The following FUT8 variants were observed in gnomAD, a reference collection of about 807,000 sequenced individuals.
FUT8 encodes the protein alpha-(1,6)-fucosyltransferase.
Under a neutral mutation model 71.3 loss-of-function variants are expected in FUT8, and 29 were observed. The ratio of observed to expected loss-of-function variants is 0.41; its 90% confidence interval spans 0.30 to 0.55. The LOEUF (loss-of-function observed/expected upper bound fraction) is 0.55. Among genes scored for constraint, FUT8 ranks in the 20% least tolerant of loss-of-function variants. FUT8 has a pLI of 0.34. For missense variants in FUT8, 544 were observed against 702.1 expected, an observed-to-expected ratio of 0.77 and a Z score of 2.55; for synonymous variants, 254 against 239.3, an observed-to-expected ratio of 1.06 and a Z score of -0.57.
chr14:65,461,622 T>C (rs2065970288), intron 2 of FUT8, among the ~76,000 whole-genome samples: 1 of 152,242 alleles, frequency 6.6e-6, no homozygotes, highest in Non-Finnish European at 1.5e-5. Flanking sequence ...ACCTTAGTTC[T>C]GCTCTGTTAA....
chr14:65,722,211 A>C (rs967822345), intron 8 of FUT8, among the ~76,000 whole-genome samples, 190 bp downstream of exon 8: 1 of 152,172 alleles, frequency 6.6e-6, no homozygotes, highest in African/African-American at 2.4e-5. Context: ...AACAGCTAAG[A>C]AAGTTGCTTA....
At chr14:65,649,657 C>T (rs140126227) in intron 6 of FUT8, among the ~76,000 whole-genome samples, 1 of 152,156 alleles carries the variant, frequency 6.6e-6, no homozygotes, top group Admixed American at 6.5e-5. Context: ...CTACACACTA[C>T]AGAGGCTTTG....
intron 6 of FUT8, among the ~76,000 whole-genome samples, chr14:65,666,828 G>T (rs1025827468): frequency 2.0e-5 from 3 of 152,042 alleles, no homozygotes; most frequent in Non-Finnish European, 4.4e-5. Context: ...AATTCACCGC[G>T]ATCAAATAGG....
chr14:65,387,879 A>T, the FUT8 span, among the ~76,000 whole-genome samples: 1 of 152,214 alleles, frequency 6.6e-6, no homozygotes, highest in Non-Finnish European at 1.5e-5. Context: ...TCATGACCAC[A>T]AGTAGAAGTC....
At chr14:65,561,095 C>T (rs183504221) in intron 2 of FUT8, among the ~76,000 whole-genome samples, 10 of 152,226 alleles carry the variant, frequency 6.6e-5, no homozygotes, top group Admixed American at 2.6e-4. Context: ...GATGATGGCA[C>T]TTTGAGGACT....
At chr14:65,442,518 AATACATAC>A (rs142250322) in intron 1 of FUT8, among the ~76,000 whole-genome samples, 46 of 148,882 alleles carry the variant, frequency 3.1e-4, no homozygotes, top group South Asian at 8.7e-4. Context: ...GACCATCATA[AATACATAC>A]ATACATACAT....
At chr14:65,493,885 G>A in intron 2 of FUT8, among the ~76,000 whole-genome samples, 1 of 151,816 alleles carries the variant, frequency 6.6e-6, no homozygotes, top group East Asian at 1.9e-4. Flanking sequence ...GGGAGGAGGT[G>A]AATAAAATTT....
In FUT8 at chr14:65,491,646, A is replaced by G. The variant is rs145429279; in HGVS notation, c.-228+35928A>G. On this transcript the variant is annotated intron_variant, in intron 2 of 10. Transcript: ENST00000673929. ...ATTTTTAAAGCACGAATTGATTTATAGGTATGAGGAAAGGTAGCAGGTAAA... is the reference window on the plus strand; with the variant it reads ...ATTTTTAAAGCACGAATTGATTTATGGGTATGAGGAAAGGTAGCAGGTAAA... Among the ~76,000 whole-genome samples the G allele has an allele frequency of 4.4e-4, 67 of 152,276 alleles. No homozygotes were observed. In the East Asian group the frequency reaches 0.01, roughly 23 times the overall value.
chr14:65,713,985 G>A (rs969513407), intron 7 of FUT8, among the ~76,000 whole-genome samples: 2 of 152,262 alleles, frequency 1.3e-5, no homozygotes, highest in Admixed American at 1.3e-4. Flanking sequence ...TTTTCTCTTA[G>A]TAGTTTCATA....
At chr14:65,714,155 C>T (rs573413456) in intron 7 of FUT8, among the ~76,000 whole-genome samples, 40 of 152,258 alleles carry the variant, frequency 2.6e-4, no homozygotes, top group Middle Eastern at 3.4e-3. Flanking sequence ...ATTCTTGGCA[C>T]CTTTGTTGAA....
the FUT8 span, among the ~76,000 whole-genome samples, chr14:65,375,657 C>T: frequency 3.9e-5 from 6 of 152,066 alleles, no homozygotes; most frequent in African/African-American, 9.6e-5. Flanking sequence ...TAATAGCTCT[C>T]ACTTGACTTG....
In FUT8 at chr14:65,646,917, G is replaced by A. The variant is rs1891150358; in HGVS notation, c.597+17311G>A. 2.0e-5 allele frequency among the ~76,000 whole-genome samples: 3 copies of A among 152,162 alleles called. No homozygotes were observed. In the South Asian group the frequency reaches 6.2e-4, roughly 31 times the overall value. ...CTCACACATTAAATATTGTTCTGTG[G>A]TAGGTTGTCTAAAAAAGTATTTGGA... On this transcript the variant is annotated intron_variant, in intron 6 of 10. Coordinates refer to ENST00000673929, the MANE Select transcript of FUT8 (RefSeq NM_001371533.1).
chr14:65,489,220 C>T lies in FUT8; in HGVS notation c.-228+33502C>T, dbSNP rs902380317. Among the ~76,000 whole-genome samples, 5 of 152,194 alleles carry T rather than the reference C, an allele frequency of 3.3e-5. No homozygotes were observed. The highest frequency in any genetic ancestry group is 2.6e-4 in the Admixed American group (4 of 15,274). On this transcript the variant is annotated intron_variant, in intron 2 of 10. Coordinates refer to ENST00000673929, the MANE Select transcript of FUT8 (RefSeq NM_001371533.1). The surrounding 1 kb of genome is among the most constrained non-coding windows in gnomAD (Gnocchi z 4.0). ...ACAGATTTATCTAACACTAAACGGT[C>T]ACTGGCAAGAACCTTTTCTTTGTAA... is the stretch of plus-strand genomic sequence containing the variant.
intron 9 of FUT8, among the ~76,000 whole-genome samples, chr14:65,724,814 C>T (rs1895597600): frequency 6.6e-6 from 1 of 152,136 alleles, no homozygotes; most frequent in Non-Finnish European, 1.5e-5. Flanking sequence ...TTTGTGTGTG[C>T]AGGGAACAGG....
the FUT8 span, among the ~76,000 whole-genome samples, chr14:65,398,739 A>C: frequency 1.3e-5 from 2 of 151,946 alleles, no homozygotes; most frequent in Non-Finnish European, 2.9e-5. Flanking sequence ...AAAAAAAAAA[A>C]ACAAAGAAAC....
At chr14:65,679,855 C>A (rs1892952966) in intron 7 of FUT8, among the ~76,000 whole-genome samples, 1 of 152,064 alleles carries the variant, frequency 6.6e-6, no homozygotes, top group South Asian at 2.1e-4. Flanking sequence ...GTCCTCAGAC[C>A]AAATTTAGCC....
At chr14:65,469,441 C>T (rs1267894871) in intron 2 of FUT8, among the ~76,000 whole-genome samples, 2 of 152,126 alleles carry the variant, frequency 1.3e-5, no homozygotes, top group Non-Finnish European at 2.9e-5. Context: ...GCTGTGGTAT[C>T]GGAGGCAAAT....
chr14:65,499,069 T>A (rs1354328670), intron 2 of FUT8, among the ~76,000 whole-genome samples: 1 of 152,140 alleles, frequency 6.6e-6, no homozygotes, highest in Non-Finnish European at 1.5e-5. Context: ...TAAATAACAG[T>A]GGTTATTACC....
At chr14:65,647,249 GT>G (rs1471466614) in intron 6 of FUT8, among the ~76,000 whole-genome samples, 1 of 152,154 alleles carries the variant, frequency 6.6e-6, no homozygotes, top group Non-Finnish European at 1.5e-5. Flanking sequence ...GGGAGCAGGT[GT>G]TTCTTCTTGT....
Sources: gnomAD v4.1 joint callset for allele counts (sites outside exome capture counted in the v4.1 genomes callset) on GRCh38, gnomAD v4.1.1 for gene constraint, Gnocchi (gnomAD v3.1) non-coding constraint, MANE v1.5 for transcripts, NCBI Gene and HGNC (gene_info 2026-07-23, HGNC 2026-07-21) for gene names.